Variants in UNC5D observed in about 807,000 individuals in gnomAD.
UNC5D encodes unc-5 netrin receptor D.
UNC5D carries 39 observed loss-of-function variants against 105.4 expected under a neutral mutation model. The ratio of observed to expected loss-of-function variants is 0.37; its 90% CI spans 0.29 to 0.48. The LOEUF (loss-of-function observed/expected upper bound fraction) is 0.48, where lower values mean the gene tolerates loss of function less well. Ranked by LOEUF, UNC5D falls within the 20% of genes least tolerant of loss-of-function variation. The pLI, the probability that UNC5D is intolerant of heterozygous loss-of-function variation, is 0.98. For missense variants in UNC5D, 991 were observed against 1,202.4 expected, an observed-to-expected ratio of 0.82 and a Z score of 2.60; for synonymous variants, 452 against 450.4, an observed-to-expected ratio of 1.00 and a Z score of -0.04.
intron 1 of UNC5D, among the ~76,000 whole-genome samples, chr8:35,323,044 A>G (rs1254674612): frequency 2.6e-5 from 4 of 152,156 alleles, no homozygotes; most frequent in Admixed American, 6.5e-5. Context: ...TGACCTTCAC[A>G]TATATCAGAA....
At chr8:35,608,986 A>G (rs1025525720) in intron 4 of UNC5D, among the ~76,000 whole-genome samples, 3 of 152,126 alleles carry the variant, frequency 2.0e-5, no homozygotes, top group East Asian at 3.9e-4. Flanking sequence ...TATCCAAACT[A>G]TTTTTCATAG....
chr8:35,587,525 C>T (rs1292054010), intron 3 of UNC5D, among the ~76,000 whole-genome samples: 1 of 152,200 alleles, frequency 6.6e-6, no homozygotes, highest in Non-Finnish European at 1.5e-5. Flanking sequence ...TATCTTCCAG[C>T]TGCCAGAAAT....
chr8:35,296,674 G>C (rs1172680519), intron 1 of UNC5D, among the ~76,000 whole-genome samples: 1 of 152,168 alleles, frequency 6.6e-6, no homozygotes, highest in Non-Finnish European at 1.5e-5. Flanking sequence ...ACCTGCCTTG[G>C]CCTCCCAAAG....
At chr8:35,783,150 G>GAA (rs557914928) in intron 16 of UNC5D, among the ~76,000 whole-genome samples, 2 of 130,274 alleles carry the variant, frequency 1.5e-5, no homozygotes, top group African/African-American at 5.7e-5. Flanking sequence ...CTTGGAGAAA[G>GAA]AAAAAAAAAA....
intron 1 of UNC5D, among the ~76,000 whole-genome samples, chr8:35,287,278 A>T (rs1806668558): frequency 6.6e-6 from 1 of 152,228 alleles, no homozygotes; most frequent in Non-Finnish European, 1.5e-5. Flanking sequence ...GACCCAGAAT[A>T]AATGGAGATC....
intron 4 of UNC5D, among the ~76,000 whole-genome samples, chr8:35,607,798 GA>G: frequency 6.6e-6 from 1 of 152,030 alleles, no homozygotes; most frequent in South Asian, 2.1e-4. Flanking sequence ...CCCCAGCCAT[GA>G]GGAACTATGA....
chr8:35,241,014 C>A (rs1188102033), intron 1 of UNC5D, among the ~76,000 whole-genome samples: 1 of 152,112 alleles, frequency 6.6e-6, no homozygotes, highest in African/African-American at 2.4e-5. Context: ...ACGGCAGATC[C>A]CACGAGACTA....
intron 1 of UNC5D, among the ~76,000 whole-genome samples, chr8:35,453,102 A>G (rs1162547717): frequency 2.0e-5 from 3 of 152,136 alleles, no homozygotes; most frequent in Non-Finnish European, 4.4e-5. Context: ...TTGAATGCCC[A>G]ATATCTTCAC....
At chr8:35,774,622 G>C in intron 16 of UNC5D, 145 bp downstream of exon 16, 2 of 1,144,716 alleles carry the variant, frequency 1.7e-6, no homozygotes, top group Non-Finnish European at 2.4e-6. Context: ...CACTAAGTAA[G>C]TGGGGAAAGA....
intron 1 of UNC5D, among the ~76,000 whole-genome samples, chr8:35,441,899 G>A (rs191920904): frequency 2.0e-5 from 3 of 151,878 alleles, no homozygotes; most frequent in Admixed American, 2.0e-4. Flanking sequence ...TAAGGGGTTT[G>A]ATGAAGCGCC....
chr8:35,332,282 A>G (rs1480442874), intron 1 of UNC5D, among the ~76,000 whole-genome samples: 1 of 152,194 alleles, frequency 6.6e-6, no homozygotes, highest in Non-Finnish European at 1.5e-5. Flanking sequence ...GGCTTTTACT[A>G]TTGTACTGTG....
At chr8:35,783,411 A>G (rs1252248380) in intron 16 of UNC5D, among the ~76,000 whole-genome samples, 1 of 152,194 alleles carries the variant, frequency 6.6e-6, no homozygotes, top group East Asian at 1.9e-4. Context: ...AAGAGCTTAC[A>G]GCTTGCAAAT....
At chr8:35,266,476 A>G (rs1804879937) in intron 1 of UNC5D, among the ~76,000 whole-genome samples, 1 of 152,238 alleles carries the variant, frequency 6.6e-6, no homozygotes, top group Non-Finnish European at 1.5e-5. Flanking sequence ...AGATGTTCCA[A>G]CATCTCAGAG....
chr8:35,513,111 GCT>G (rs1315739014), intron 1 of UNC5D, among the ~76,000 whole-genome samples: 1 of 151,962 alleles, frequency 6.6e-6, no homozygotes, highest in Non-Finnish European at 1.5e-5. Flanking sequence ...TTCCAGACAG[GCT>G]CCCACCTCTG....
At chr8:35,629,941 G>A (rs1396162861) in intron 4 of UNC5D, among the ~76,000 whole-genome samples, 1 of 152,078 alleles carries the variant, frequency 6.6e-6, no homozygotes, top group African/African-American at 2.4e-5. Flanking sequence ...CTAAGATTTT[G>A]TTTCCCCTGC....
intron 1 of UNC5D, among the ~76,000 whole-genome samples, chr8:35,502,515 G>A (rs745775202): frequency 1.3e-5 from 2 of 152,000 alleles, no homozygotes; most frequent in African/African-American, 2.4e-5. Flanking sequence ...TCTTTCTAAG[G>A]CTGTGTACTA....
At chr8:35,339,888 C>A (rs1007193125) in intron 1 of UNC5D, among the ~76,000 whole-genome samples, 1 of 152,180 alleles carries the variant, frequency 6.6e-6, no homozygotes, top group Non-Finnish European at 1.5e-5. Flanking sequence ...CAAAAAGTAA[C>A]TGGGTGCCAG....
At chr8:35,558,511 C>T (rs974983623) in intron 2 of UNC5D, among the ~76,000 whole-genome samples, 11 of 152,006 alleles carry the variant, frequency 7.2e-5, no homozygotes, top group East Asian at 1.9e-4. Flanking sequence ...GTATAGTTTT[C>T]GATGCTCTGA....
intron 1 of UNC5D, among the ~76,000 whole-genome samples, chr8:35,470,767 AAAATAAATAAATAAATAAAT>A (rs201455725): frequency 7.2e-5 from 10 of 139,304 alleles, no homozygotes; most frequent in African/African-American, 1.9e-4. Flanking sequence ...AGACTTTCTC[AAAATAAATAAATAAATAAAT>A]AAATAAATAA....
Sources: gnomAD v4.1 joint callset for allele counts (sites outside exome capture counted in the v4.1 genomes callset) on GRCh38, gnomAD v4.1.1 for gene constraint, MANE v1.5 for transcripts, NCBI Gene and HGNC (gene_info 2026-07-23, HGNC 2026-07-21) for gene names.